Variants in LRRC20 observed in about 807,000 individuals in gnomAD.
LRRC20 encodes leucine-rich repeat-containing protein 20.
In LRRC20, 11 loss-of-function variants were observed where a neutral mutation model predicts 14.4. The observed-to-expected ratio is 0.77, with a 90% CI of 0.48 to 1.27. LRRC20 has a LOEUF of 1.27. Among genes scored for constraint, LRRC20 ranks in the 50% most tolerant of loss-of-function variants. LRRC20 has a pLI of 0.00. For synonymous variants in LRRC20, 121 were observed against 107.3 expected, an observed-to-expected ratio of 1.13 and a Z score of -0.79; for missense variants, 219 against 251.2, an observed-to-expected ratio of 0.87 and a Z score of 0.87.
At chr10:70,356,290 TC>T (rs1843514928) in intron 2 of LRRC20, among the ~76,000 whole-genome samples, 1 of 152,030 alleles carries the variant, frequency 6.6e-6, no homozygotes, top group African/African-American at 2.4e-5. Flanking sequence ...GGTGGGAGGA[TC>T]ACTTAAGTTC....
At chr10:70,361,117 T>C (rs939607711) in intron 2 of LRRC20, among the ~76,000 whole-genome samples, 2 of 151,800 alleles carry the variant, frequency 1.3e-5, no homozygotes, top group African/African-American at 4.8e-5. Flanking sequence ...CAGATTCAAG[T>C]TCAAATCTCA....
chr10:70,380,354 T>A (rs1173687707), intron 1 of LRRC20, among the ~76,000 whole-genome samples: 1 of 152,204 alleles, frequency 6.6e-6, no homozygotes, highest in Non-Finnish European at 1.5e-5. Context: ...ATCACCACGC[T>A]TATTAACTAG....
At chr10:70,372,016 C>A (rs1236263914) in intron 2 of LRRC20, among the ~76,000 whole-genome samples, 1 of 152,102 alleles carries the variant, frequency 6.6e-6, no homozygotes, top group Non-Finnish European at 1.5e-5. Context: ...CCAGCCCAGT[C>A]TCTACAGGGG....
chr10:70,375,298 G>A (rs1249613462), intron 2 of LRRC20, among the ~76,000 whole-genome samples: 1 of 152,204 alleles, frequency 6.6e-6, no homozygotes, highest in East Asian at 1.9e-4. Context: ...ACTGCGCTGG[G>A]CTCTGGGGCA....
intron 2 of LRRC20, among the ~76,000 whole-genome samples, chr10:70,375,829 A>C (rs1844488645): frequency 6.6e-6 from 1 of 152,178 alleles, no homozygotes; most frequent in Admixed American, 6.5e-5. Context: ...CTTGGTGGAC[A>C]GTCAATAAGT....
intron 2 of LRRC20, among the ~76,000 whole-genome samples, chr10:70,347,164 T>G (rs1843102603): frequency 6.6e-6 from 1 of 152,114 alleles, no homozygotes. Flanking sequence ...AAAGTTAACT[T>G]TTATTGGAAA....
In LRRC20 at chr10:70,319,364, C is replaced by T. The variant is rs554855232; in HGVS notation, c.400+4499G>A. 2.0e-5 allele frequency among the ~76,000 whole-genome samples: 3 copies of T among 152,306 alleles called. No homozygotes were observed. The East Asian group carries it at 5.8e-4, about 29-fold the overall frequency. On this transcript the variant is annotated intron_variant, in intron 4 of 4. Transcript: ENST00000446961. ...AAGTACCGGTGAGCACGTGGTGAGG[C>T]CCTACTGCCGCTGCATCCACCTTCA... is the stretch of plus-strand genomic sequence containing the variant.
chr10:70,307,651 C>A lies in LRRC20; in HGVS notation c.401-6143G>T, dbSNP rs527770312. Reference sequence around the variant, plus strand: ...AGAAAACACCACCACCTTATTTAGGCAAAGGCCCCCAGATCCTTCGCTTCA... The same window carrying A: ...AGAAAACACCACCACCTTATTTAGGAAAAGGCCCCCAGATCCTTCGCTTCA... On this transcript the variant is annotated intron_variant, in intron 4 of 4. Coordinates refer to ENST00000446961, the MANE Select transcript of LRRC20 (RefSeq NM_001278212.2). Among the ~76,000 whole-genome samples the A allele has an allele frequency of 1.2e-4, 18 of 152,340 alleles. No individual in the cohort carries two copies. The East Asian group carries it at 3.5e-3, about 29-fold the overall frequency.
At chr10:70,373,505 G>T (rs753170972) in intron 2 of LRRC20, among the ~76,000 whole-genome samples, 1 of 152,316 alleles carries the variant, frequency 6.6e-6, no homozygotes, top group South Asian at 2.1e-4. Context: ...CCCTTAGAGT[G>T]TATAAGCCTG....
intron 3 of LRRC20, among the ~76,000 whole-genome samples, chr10:70,335,390 C>A (rs1378169216): frequency 6.6e-6 from 1 of 152,184 alleles, no homozygotes; most frequent in Non-Finnish European, 1.5e-5. Flanking sequence ...CCCAGTCCGC[C>A]CGCCCGCGCC....
chr10:70,342,373 C>G (rs944946564), intron 2 of LRRC20, among the ~76,000 whole-genome samples: 1 of 151,560 alleles, frequency 6.6e-6, no homozygotes, highest in Non-Finnish European at 1.5e-5. Context: ...CATAGTAAAA[C>G]CACTGAATTG....
intron 2 of LRRC20, among the ~76,000 whole-genome samples, chr10:70,342,357 T>G (rs1208311730): frequency 6.6e-6 from 1 of 151,998 alleles, no homozygotes; most frequent in Non-Finnish European, 1.5e-5. Flanking sequence ...ACTGCTCAAC[T>G]CTGAACATAG....
intron 4 of LRRC20, among the ~76,000 whole-genome samples, chr10:70,307,964 A>C (rs760213190): frequency 6.6e-6 from 1 of 152,250 alleles, no homozygotes; most frequent in Non-Finnish European, 1.5e-5. Context: ...GCTGAGCAGC[A>C]GCCCAGATGC....
In LRRC20 at chr10:70,340,818, C is replaced by A. The variant is rs1842888858; in HGVS notation, c.83-116G>T. 4 of 1,092,926 alleles carry A rather than the reference C, an allele frequency of 3.7e-6. No individual in the cohort carries two copies. In the Admixed American group the frequency reaches 8.3e-5, roughly 23 times the overall value. The allele number at this position is 1,092,926 out of a possible 1,614,324, so 67.7% of individuals were successfully genotyped here. On this transcript the variant is annotated intron_variant, in intron 2 of 4. Coordinates refer to ENST00000446961, the MANE Select transcript of LRRC20 (RefSeq NM_001278212.2). ...CCCTTCCAGCCTCCTTGCCCTCCCA[C>A]CTGTCTCCCCAGGACCAGGCTTCAG... is the stretch of plus-strand genomic sequence containing the variant.
At chr10:70,304,622 G>A (rs1841349643) in intron 4 of LRRC20, among the ~76,000 whole-genome samples, 1 of 151,324 alleles carries the variant, frequency 6.6e-6, no homozygotes, top group Admixed American at 6.6e-5. Flanking sequence ...TCAGCAGCAT[G>A]GACACATTCA....
At chr10:70,380,887 AGGATGAGCCT>A (rs1487363711) in intron 1 of LRRC20, among the ~76,000 whole-genome samples, 1 of 152,256 alleles carries the variant, frequency 6.6e-6, no homozygotes, top group African/African-American at 2.4e-5. Flanking sequence ...ACTGGGAGGC[AGGATGAGCCT>A]GATAGTAGTA....
At chr10:70,320,783 C>T (rs1329075149) in intron 4 of LRRC20, among the ~76,000 whole-genome samples, 1 of 152,204 alleles carries the variant, frequency 6.6e-6, no homozygotes, top group African/African-American at 2.4e-5. Flanking sequence ...AGGTCAGGTA[C>T]CACCTCCCAG....
At chr10:70,348,066 A>G (rs1325833876) in intron 2 of LRRC20, among the ~76,000 whole-genome samples, 2 of 152,052 alleles carry the variant, frequency 1.3e-5, no homozygotes, top group Non-Finnish European at 2.9e-5. Context: ...TTGTGTCCCC[A>G]GGGATTCCAT....
In LRRC20 at chr10:70,378,838, C is replaced by G. The variant is rs185717250; in HGVS notation, c.-63-2242G>C. 4.4e-3 allele frequency among the ~76,000 whole-genome samples: 668 copies of G among 150,162 alleles called. 9 individuals carry two copies. The highest frequency in any genetic ancestry group is 0.016 in the African/African-American group (632 of 40,728). ...GCACATGCCTGTAATCCCAGCTACTCAGGAGGCTGAGGCAGGAGAATCGCT... is the reference window on the plus strand; with the variant it reads ...GCACATGCCTGTAATCCCAGCTACTGAGGAGGCTGAGGCAGGAGAATCGCT... On this transcript the variant is annotated intron_variant, in intron 1 of 4. Transcript: ENST00000446961.
Sources: gnomAD v4.1 joint callset for allele counts (sites outside exome capture counted in the v4.1 genomes callset) on GRCh38, gnomAD v4.1.1 for gene constraint, MANE v1.5 for transcripts, NCBI Gene and HGNC (gene_info 2026-07-23, HGNC 2026-07-21) for gene names.